The following CD163L1 variants were observed in gnomAD, a reference collection of about 807,000 sequenced individuals.
The protein encoded by CD163L1 is CD163 molecule like 1.
CD163L1 carries 124 observed loss-of-function variants against 165.4 expected under a neutral mutation model. The observed-to-expected ratio is 0.75, with a 90% CI of 0.65 to 0.87. CD163L1 has a LOEUF of 0.87. Ranked by LOEUF, CD163L1 falls within the 40% of genes least tolerant of loss-of-function variation. The pLI is 0.00. For synonymous variants in CD163L1, 585 were observed against 662.2 expected (o/e 0.88, Z 1.79); for missense variants, 1,525 against 1,799.9 (o/e 0.85, Z 2.76).
rs1191328599 is a variant in CD163L1 at position 7,398,484 on chromosome 12, G to A, written c.1509C>T (p.Asp503=). The change falls in exon 7 of 20, where the codon GAC becomes GAT. Residue 503 remains aspartate, a synonymous_variant. Transcript: ENST00000313599. This position sits in a 1 kb window ranked among gnomAD's most constrained non-coding sequence, Gnocchi z 4.5. The part of the protein sequence containing the change: ...YQGEWGTVCH[D]RWSTRNAAVV... ...CAGCTGCATTCCTTGTGCTCCATCT[G>A]TCATGACACACAGTCCCCCACTCTC... is the stretch of plus-strand genomic sequence containing the variant. 2 of 1,613,950 alleles carry A rather than the reference G, an allele frequency of 1.2e-6. No homozygotes were observed. The highest frequency in any genetic ancestry group is 8.5e-7 in the Non-Finnish European group (1 of 1,179,934).
At chr12:7,370,602 G>C (rs143800182) in intron 14 of CD163L1, among the ~76,000 whole-genome samples, 7 of 151,944 alleles carry the variant, frequency 4.6e-5, no homozygotes, top group African/African-American at 1.7e-4. Flanking sequence ...CTCATCCCCC[G>C]GTCTGATAAG....
At chr12:7,350,510 C>T (rs1055773686), downstream of CD163L1, among the ~76,000 whole-genome samples, 2 of 152,142 alleles carry the variant, frequency 1.3e-5, no homozygotes, top group African/African-American at 4.8e-5. Context: ...ACCACATCTT[C>T]GTGTCTCTGC....
chr12:7,410,745 G>A (rs892901831), intron 4 of CD163L1, among the ~76,000 whole-genome samples: 3 of 151,558 alleles, frequency 2.0e-5, no homozygotes, highest in Non-Finnish European at 2.9e-5. Context: ...CAGGAGAATC[G>A]CTTGAACCCA....
At chr12:7,434,642 G>A (rs1948690782) in intron 2 of CD163L1, among the ~76,000 whole-genome samples, 1 of 151,650 alleles carries the variant, frequency 6.6e-6, no homozygotes, top group Non-Finnish European at 1.5e-5. Context: ...ACAAAGAGAA[G>A]CAATAAGGAG....
intron 5 of CD163L1, among the ~76,000 whole-genome samples, chr12:7,406,124 C>G (rs1396643425): frequency 2.0e-5 from 3 of 152,108 alleles, no homozygotes; most frequent in Non-Finnish European, 4.4e-5. Context: ...AGTGCTAAAA[C>G]AAACTCAGTT....
At chr12:7,391,756 A>G (rs1320225498) in intron 8 of CD163L1, among the ~76,000 whole-genome samples, 1 of 152,238 alleles carries the variant, frequency 6.6e-6, no homozygotes, top group East Asian at 1.9e-4. Context: ...AATGCAAAAA[A>G]GAGCAGGGGT....
At chr12:7,420,738 A>G (rs1454196937) in intron 4 of CD163L1, among the ~76,000 whole-genome samples, 2 of 151,994 alleles carry the variant, frequency 1.3e-5, no homozygotes, top group African/African-American at 4.8e-5. Context: ...AAACTTTTAC[A>G]CTGCTGGTGA....
At chr12:7,376,262 A>G (rs1167975618) in intron 9 of CD163L1, among the ~76,000 whole-genome samples, 1 of 152,238 alleles carries the variant, frequency 6.6e-6, no homozygotes, top group Non-Finnish European at 1.5e-5. Flanking sequence ...AATGAATTGC[A>G]CAATTTGTTT....
At position 7,403,640 on chromosome 12, in the gene CD163L1, T is replaced by C. The variant is rs753890551; in HGVS notation, c.1303A>G (p.Ser435Gly). ...SNEARDIWINSISCTGNESAL... is the reference protein window; with the variant it reads ...SNEARDIWINGISCTGNESAL... ...GACTCATTCCCAGTGCAAGATATGC[T>C]GTTTATCCAAATGTCTCTAGCTTCA... The change falls in exon 6 of 20, where the codon AGC (serine) becomes GGC (glycine). Residue 435 changes from serine (S) to glycine (G), a missense_variant. Transcript: ENST00000313599. 1 of 1,614,082 alleles carries C rather than the reference T, an allele frequency of 6.2e-7. No individual in the cohort carries two copies. Among genetic ancestry groups the C allele is most frequent in the Non-Finnish European group, 8.5e-7 (1 of 1,179,978 alleles).
intron 2 of CD163L1, chr12:7,439,543 G>GA (rs1162513638): frequency 6.4e-7 from 1 of 1,572,908 alleles, no homozygotes; most frequent in Non-Finnish European, 8.6e-7. Flanking sequence ...CTTCTTTGGG[G>GA]AAGTATCTTC....
At chr12:7,436,311 C>T (rs1345384758) in intron 2 of CD163L1, among the ~76,000 whole-genome samples, 2 of 152,064 alleles carry the variant, frequency 1.3e-5, no homozygotes, top group Non-Finnish European at 2.9e-5. Flanking sequence ...AAAGCAAATA[C>T]ATTAATCAAA....
chr12:7,345,769 T>C (rs1946665709), downstream of CD163L1, among the ~76,000 whole-genome samples: 1 of 152,200 alleles, frequency 6.6e-6, no homozygotes, highest in Non-Finnish European at 1.5e-5. Flanking sequence ...TTGCAGACTG[T>C]ACAGGCAGCA....
At chr12:7,340,255 AG>A in the CD163L1 span, among the ~76,000 whole-genome samples, 1 of 152,174 alleles carries the variant, frequency 6.6e-6, no homozygotes, top group African/African-American at 2.4e-5. Context: ...TAAGTAAAAC[AG>A]GGTGAAAATA....
intron 7 of CD163L1, among the ~76,000 whole-genome samples, chr12:7,396,845 G>GCACA (rs891967751): frequency 6.8e-6 from 1 of 148,046 alleles, no homozygotes; most frequent in African/African-American, 2.4e-5. Flanking sequence ...ACATACATAT[G>GCACA]CACACACACA....
chr12:7,421,468 T>TATAC (rs1555202363), intron 4 of CD163L1, among the ~76,000 whole-genome samples: 30 of 93,392 alleles, frequency 3.2e-4, no homozygotes, highest in Non-Finnish European at 3.9e-4. Flanking sequence ...TATATACATA[T>TATAC]ATATACATAT....
Position 7,432,703 on chromosome 12 carries a change from C to T in CD163L1, c.479G>A (p.Gly160Glu). The T allele has an allele frequency of 6.2e-7, 1 of 1,612,374 alleles. No individual in the cohort carries two copies. Among genetic ancestry groups the T allele is most frequent in the South Asian group, 1.1e-5 (1 of 90,830 alleles). The change falls in exon 4 of 20, where the codon GGA becomes GAA. Residue 160 changes from glycine to glutamate, a missense_variant. Physicochemically the swap from Gly to Glu is moderately conservative, Grantham distance 98 (BLOSUM62 -2). Coordinates refer to ENST00000313599, the MANE Select transcript of CD163L1 (RefSeq NM_174941.6). This position sits in a 1 kb window ranked among gnomAD's most constrained non-coding sequence, Gnocchi z 4.2. ...CACTCTCCCTGAACAGGAGTTGTTT[C>T]CATCCACTAGCCTCAAACCCAGATT... is the stretch of plus-strand genomic sequence containing the variant. ...EANLGLRLVD[G>E]NNSCSGRVEV... is the part of the protein sequence containing the mutation.
chr12:7,375,435 G>C lies in CD163L1; in HGVS notation c.2847C>G (p.Thr949=), dbSNP rs140281728. Residue 949 remains threonine (T), a synonymous_variant, in exon 11 of 20, where the codon ACC becomes ACG. Transcript: ENST00000313599. ...RQLSCGTALS[T]TGGKYIGERS... ...TTTCTCCAATATATTTTCCTCCTGTGGTTGAGAGAGCAGTCCCACAGCTGA... is the reference window on the plus strand; with the variant it reads ...TTTCTCCAATATATTTTCCTCCTGTCGTTGAGAGAGCAGTCCCACAGCTGA... 1.4e-5 allele frequency: 23 copies of C among 1,614,182 alleles called. No homozygotes were observed. The African/African-American group carries it at 2.9e-4, about 21-fold the overall frequency.
chr12:7,343,294 G>A (rs1261158461), downstream of CD163L1, among the ~76,000 whole-genome samples: 1 of 152,186 alleles, frequency 6.6e-6, no homozygotes, highest in East Asian at 1.9e-4. Flanking sequence ...AAAACGATTT[G>A]CGAAAGTCTC....
rs1056128633 is a variant in CD163L1, at chr12:7,432,130, A to G, written c.766+286T>C. 3.9e-5 allele frequency among the ~76,000 whole-genome samples: 6 copies of G among 152,228 alleles called. No individual in the cohort carries two copies. Among genetic ancestry groups the G allele is most frequent in the South Asian group, 4.1e-4 (2 of 4,826 alleles). ...AAGGGAAAAATATGATATTGTGTCA[A>G]GAAGTTATTTGAAAAAGGTTTTTAG... On this transcript the variant is annotated intron_variant, in intron 4 of 19. Transcript: ENST00000313599. This position sits in a 1 kb window ranked among gnomAD's most constrained non-coding sequence, Gnocchi z 4.2.
Sources: allele counts gnomAD v4.1 joint callset (sites outside exome capture counted in the v4.1 genomes callset), GRCh38; gene constraint gnomAD v4.1.1; non-coding constraint Gnocchi (gnomAD v3.1); transcripts MANE v1.5; gene names NCBI Gene and HGNC (gene_info 2026-07-23, HGNC 2026-07-21).